Variants in LPP observed in about 807,000 individuals in gnomAD.
LPP encodes the protein lipoma-preferred partner.
A neutral mutation model predicts 60.4 loss-of-function variants in LPP; 38 were observed. The ratio of observed to expected loss-of-function variants is 0.63; its 90% CI spans 0.49 to 0.83. The LOEUF (loss-of-function observed/expected upper bound fraction) is 0.83. Among genes scored for constraint, LPP ranks in the 40% least tolerant of loss-of-function variants. LPP has a pLI of 0.00. For synonymous variants in LPP, 328 were observed against 290.8 expected (o/e 1.13, Z -1.30); for missense variants, 902 against 783.6 (o/e 1.15, Z -1.80).
intron 6 of LPP, among the ~76,000 whole-genome samples, chr3:188,592,557 G>GTTTTTTTGTTTTTTTGTTTTTTTTTTTT (rs1553936333): frequency 3.5e-5 from 3 of 85,800 alleles, no homozygotes; most frequent in African/African-American, 1.4e-4. Context: ...TTTTGTTTTT[G>GTTTTTTTGTTTTTTTGTTTTTTTTTTTT]TTTTTTAAAT....
intron 5 of LPP, among the ~76,000 whole-genome samples, chr3:188,493,342 G>T (rs1808950202): frequency 6.6e-6 from 1 of 151,942 alleles, no homozygotes; most frequent in Non-Finnish European, 1.5e-5. Context: ...TTCTTGTTTG[G>T]TCTATAGGCT....
chr3:188,204,699 G>A (rs1481826699), intron 1 of LPP, among the ~76,000 whole-genome samples: 2 of 152,112 alleles, frequency 1.3e-5, no homozygotes, highest in African/African-American at 2.4e-5. Flanking sequence ...TTCTCTGGCC[G>A]CTTGGCTGGT....
At chr3:188,651,280 C>A (rs536402958) in intron 7 of LPP, among the ~76,000 whole-genome samples, 1 of 152,218 alleles carries the variant, frequency 6.6e-6, no homozygotes, top group East Asian at 1.9e-4. Context: ...TAGAAAGCAG[C>A]AAATACTCCT....
At chr3:188,682,484 G>A (rs1054667222) in intron 7 of LPP, among the ~76,000 whole-genome samples, 1 of 152,162 alleles carries the variant, frequency 6.6e-6, no homozygotes, top group African/African-American at 2.4e-5. Context: ...GACTATCCCA[G>A]GTGCCTATCA....
chr3:188,200,482 G>A (rs1468560408), intron 1 of LPP, among the ~76,000 whole-genome samples: 1 of 152,140 alleles, frequency 6.6e-6, no homozygotes, highest in Non-Finnish European at 1.5e-5. Context: ...ACAATCCAGG[G>A]ATAAGGAAGA....
chr3:188,212,159 G>T (rs1340709526), intron 1 of LPP, among the ~76,000 whole-genome samples: 1 of 152,214 alleles, frequency 6.6e-6, no homozygotes, highest in Non-Finnish European at 1.5e-5. Context: ...GTGCCCGGCC[G>T]AGAGGAGTTG....
chr3:188,326,205 A>C (rs562353730), intron 2 of LPP, among the ~76,000 whole-genome samples: 1 of 152,294 alleles, frequency 6.6e-6, no homozygotes, highest in South Asian at 2.1e-4. Context: ...AGGTCTTCCG[A>C]CTTTTACGTT....
intron 4 of LPP, among the ~76,000 whole-genome samples, chr3:188,466,541 G>A (rs1275609932): frequency 1.3e-5 from 2 of 151,660 alleles, no homozygotes; most frequent in East Asian, 3.9e-4. Context: ...AATACTTCCA[G>A]TTATTTGTCA....
intron 6 of LPP, among the ~76,000 whole-genome samples, chr3:188,606,908 A>T (rs1842484575): frequency 6.6e-6 from 1 of 152,072 alleles, no homozygotes; most frequent in Non-Finnish European, 1.5e-5. Context: ...ACCCAACTAT[A>T]AATGGAGACA....
chr3:188,403,580 T>C (rs1782737398), intron 3 of LPP, among the ~76,000 whole-genome samples: 1 of 152,228 alleles, frequency 6.6e-6, no homozygotes, highest in African/African-American at 2.4e-5. Flanking sequence ...CAGTCACTTT[T>C]ATCCCAATTT....
At chr3:188,487,776 C>T (rs953706659) in intron 5 of LPP, among the ~76,000 whole-genome samples, 1 of 152,138 alleles carries the variant, frequency 6.6e-6, no homozygotes, top group South Asian at 2.1e-4. Context: ...AGTTTCCTCT[C>T]GGCTATGGTT....
chr3:188,485,714 G>A (rs951458380), intron 5 of LPP, among the ~76,000 whole-genome samples: 6 of 148,028 alleles, frequency 4.1e-5, no homozygotes, highest in African/African-American at 1.5e-4. Flanking sequence ...GGAGAATGGC[G>A]TGAACCCGGG....
intron 8 of LPP, among the ~76,000 whole-genome samples, chr3:188,727,499 T>G (rs1718857218): frequency 6.6e-6 from 1 of 152,166 alleles, no homozygotes; most frequent in African/African-American, 2.4e-5. Context: ...AATTATAAAA[T>G]ATATTAAAAT....
chr3:188,216,362 A>C (rs1167983815), intron 1 of LPP, among the ~76,000 whole-genome samples: 2 of 146,478 alleles, frequency 1.4e-5, no homozygotes, highest in African/African-American at 5.1e-5. Flanking sequence ...CCTCTGCTTC[A>C]TGGGTTCAAG....
At chr3:188,257,020 T>C (rs901888105) in intron 2 of LPP, among the ~76,000 whole-genome samples, 12 of 152,144 alleles carry the variant, frequency 7.9e-5, no homozygotes, top group Non-Finnish European at 1.3e-4. Context: ...AGAGGGAATA[T>C]GTGGCATAGA....
chr3:188,770,683 A>G (rs939600466), intron 9 of LPP, among the ~76,000 whole-genome samples: 1 of 152,164 alleles, frequency 6.6e-6, no homozygotes, highest in Non-Finnish European at 1.5e-5. Flanking sequence ...AGTTAATCTT[A>G]AAAGTAAACC....
intron 8 of LPP, among the ~76,000 whole-genome samples, chr3:188,742,942 G>A (rs558880100): frequency 2.1e-4 from 32 of 152,304 alleles, no homozygotes; most frequent in African/African-American, 7.7e-4. Context: ...GCAAGTCACA[G>A]TGAGTATGTC....
At chr3:188,793,013 C>G (rs1744253693) in intron 9 of LPP, among the ~76,000 whole-genome samples, 1 of 152,086 alleles carries the variant, frequency 6.6e-6, no homozygotes, top group African/African-American at 2.4e-5. Context: ...CAGTATGCCT[C>G]CAGTCCCTCT....
At chr3:188,566,509 T>C (rs1832208057) in intron 6 of LPP, among the ~76,000 whole-genome samples, 1 of 151,820 alleles carries the variant, frequency 6.6e-6, no homozygotes, top group South Asian at 2.1e-4. Flanking sequence ...TATTCGATGA[T>C]CAAGTCATAG....
Sources: gnomAD v4.1 joint callset for allele counts (sites outside exome capture counted in the v4.1 genomes callset) on GRCh38, gnomAD v4.1.1 for gene constraint, MANE v1.5 for transcripts, NCBI Gene and HGNC (gene_info 2026-07-23, HGNC 2026-07-21) for gene names.